Variants in MAGI2 observed in about 807,000 individuals in gnomAD.
The protein encoded by MAGI2 is membrane associated guanylate kinase, WW and PDZ domain containing 2, also known as membrane-associated guanylate kinase, WW and PDZ domain-containing protein 2.
A neutral mutation model predicts 133.3 loss-of-function variants in MAGI2; 35 were observed. The ratio of observed to expected loss-of-function variants is 0.26; its 90% confidence interval spans 0.20 to 0.35. The LOEUF is 0.35. Ranked by LOEUF, MAGI2 falls within the 10% of genes least tolerant of loss-of-function variation. The probability of loss-of-function intolerance (pLI) is 1.00; values close to 1 mark genes in which losing one functional copy is unlikely to be tolerated. For missense variants in MAGI2, 1,636 were observed against 1,863.4 expected (o/e 0.88, Z 2.25); for synonymous variants, 729 against 710.6 (o/e 1.03, Z -0.41).
chr7:78,058,495 G>A (rs1442172815), intron 21 of MAGI2, among the ~76,000 whole-genome samples: 3 of 134,304 alleles, frequency 2.2e-5, no homozygotes, highest in African/African-American at 8.4e-5. Flanking sequence ...TTTTTGAGAC[G>A]GAGTTTCGCT....
At chr7:79,239,493 T>C (rs1049005406) in intron 1 of MAGI2, among the ~76,000 whole-genome samples, 1 of 152,184 alleles carries the variant, frequency 6.6e-6, no homozygotes, top group Non-Finnish European at 1.5e-5. Flanking sequence ...CCGACCGTAA[T>C]ACACCCTGAG....
At chr7:79,435,321 C>A (rs1359859583) in intron 1 of MAGI2, among the ~76,000 whole-genome samples, 1 of 152,156 alleles carries the variant, frequency 6.6e-6, no homozygotes, top group African/African-American at 2.4e-5. Flanking sequence ...ATTAGGGAAA[C>A]AAATATGAAT....
At chr7:78,177,956 G>A in intron 14 of MAGI2, 55 bp downstream of exon 14, 2 of 1,204,174 alleles carry the variant, frequency 1.7e-6, no homozygotes, top group Non-Finnish European at 2.5e-6. Context: ...ATTTTCCCTG[G>A]TGTTTACTCA....
chr7:78,782,142 C>T (rs1826444563), intron 2 of MAGI2, among the ~76,000 whole-genome samples: 1 of 152,198 alleles, frequency 6.6e-6, no homozygotes, highest in African/African-American at 2.4e-5. Context: ...CAGAGGTGAG[C>T]TTCCTCCAAC....
At chr7:79,114,171 A>T (rs1386519749) in intron 1 of MAGI2, among the ~76,000 whole-genome samples, 5 of 152,118 alleles carry the variant, frequency 3.3e-5, no homozygotes, top group African/African-American at 1.2e-4. Context: ...AGTGTTACTA[A>T]AGACTCTAAT....
At chr7:79,306,272 T>C (rs1837795570) in intron 1 of MAGI2, among the ~76,000 whole-genome samples, 1 of 147,040 alleles carries the variant, frequency 6.8e-6, no homozygotes, top group Admixed American at 6.8e-5. Context: ...TATATATATT[T>C]TATTTATATG....
intron 2 of MAGI2, among the ~76,000 whole-genome samples, chr7:78,960,093 C>A (rs1443002428): frequency 6.6e-6 from 1 of 152,056 alleles, no homozygotes; most frequent in Non-Finnish European, 1.5e-5. Flanking sequence ...TCTATTGGAA[C>A]TAGAATCCTA....
At chr7:78,813,324 A>G (rs73369420) in intron 2 of MAGI2, among the ~76,000 whole-genome samples, 4,226 of 152,286 alleles carry the variant, frequency 0.028, 183 homozygotes, top group African/African-American at 0.097. Flanking sequence ...TCAGTAATAA[A>G]GAAAAAGAAT....
At chr7:78,594,641 A>T (rs970000196) in intron 3 of MAGI2, among the ~76,000 whole-genome samples, 6 of 152,080 alleles carry the variant, frequency 3.9e-5, no homozygotes, top group Non-Finnish European at 7.4e-5. Context: ...TATTTTTAGT[A>T]GAGACGGGGT....
At chr7:79,400,320 T>C (rs1354049790) in intron 1 of MAGI2, among the ~76,000 whole-genome samples, 1 of 152,208 alleles carries the variant, frequency 6.6e-6, no homozygotes, top group African/African-American at 2.4e-5. Context: ...AATGTTTATA[T>C]GTAAAAATAA....
At chr7:78,771,707 TC>T (rs1357898124) in intron 2 of MAGI2, among the ~76,000 whole-genome samples, 4 of 152,102 alleles carry the variant, frequency 2.6e-5, no homozygotes, top group African/African-American at 7.2e-5. Context: ...ATTGGTCTTT[TC>T]TTTGACATCC....
intron 1 of MAGI2, among the ~76,000 whole-genome samples, chr7:79,055,418 C>G (rs192242853): frequency 6.6e-6 from 1 of 152,182 alleles, no homozygotes; most frequent in Non-Finnish European, 1.5e-5. Context: ...GCAATTCTAA[C>G]CAATGATGCC....
intron 2 of MAGI2, among the ~76,000 whole-genome samples, chr7:78,791,490 T>C (rs1827235148): frequency 6.6e-6 from 1 of 152,154 alleles, no homozygotes; most frequent in African/African-American, 2.4e-5. Flanking sequence ...AACTGTTTAT[T>C]TGAGGATATC....
intron 3 of MAGI2, among the ~76,000 whole-genome samples, chr7:78,523,460 C>G (rs1433857310): frequency 1.3e-5 from 2 of 151,810 alleles, no homozygotes; most frequent in African/African-American, 4.8e-5. Context: ...GCCTGGGCAA[C>G]AGAGCAAGAC....
At chr7:78,490,271 A>G (rs1793479454) in intron 5 of MAGI2, among the ~76,000 whole-genome samples, 1 of 152,088 alleles carries the variant, frequency 6.6e-6, no homozygotes, top group Non-Finnish European at 1.5e-5. Context: ...TTAGCTACAG[A>G]GCTGGCAGAG....
chr7:78,727,527 C>T (rs1287295387), intron 2 of MAGI2, among the ~76,000 whole-genome samples: 2 of 152,108 alleles, frequency 1.3e-5, no homozygotes, highest in Admixed American at 1.3e-4. Flanking sequence ...GATGCAAATG[C>T]ACAAGTCATC....
At chr7:79,246,086 GC>G (rs1832804249) in intron 1 of MAGI2, among the ~76,000 whole-genome samples, 1 of 152,196 alleles carries the variant, frequency 6.6e-6, no homozygotes, top group Non-Finnish European at 1.5e-5. Flanking sequence ...GGCTTAGGGT[GC>G]CCCCTAATGC....
At chr7:78,398,708 G>T in intron 6 of MAGI2, among the ~76,000 whole-genome samples, 1 of 152,010 alleles carries the variant, frequency 6.6e-6, no homozygotes, top group South Asian at 2.1e-4. Context: ...GGAAAGGTAG[G>T]AGCCTAACTT....
At chr7:79,098,508 G>A (rs1209148323) in intron 1 of MAGI2, among the ~76,000 whole-genome samples, 1 of 152,128 alleles carries the variant, frequency 6.6e-6, no homozygotes, top group Non-Finnish European at 1.5e-5. Flanking sequence ...ATTCATAAAA[G>A]CTCAGTTTTG....
Sources: gnomAD v4.1 joint callset for allele counts (sites outside exome capture counted in the v4.1 genomes callset) on GRCh38, gnomAD v4.1.1 for gene constraint, MANE v1.5 for transcripts, NCBI Gene and HGNC (gene_info 2026-07-23, HGNC 2026-07-21) for gene names.